The following NCKAP5 variants were observed in gnomAD, a reference collection of about 807,000 sequenced individuals.
NCKAP5 encodes the protein nck-associated protein 5.
A neutral mutation model predicts 167.0 loss-of-function variants in NCKAP5; 92 were observed. The ratio of observed to expected loss-of-function variants is 0.55; its 90% CI spans 0.47 to 0.66. The LOEUF is 0.66. Ranked by LOEUF, NCKAP5 falls within the 30% of genes least tolerant of loss-of-function variation. The probability of loss-of-function intolerance (pLI) is 0.00; values close to 1 mark genes in which losing one functional copy is unlikely to be tolerated. For missense variants in NCKAP5, 2,378 were observed against 2,315.0 expected (o/e 1.03, Z -0.56); for synonymous variants, 891 against 877.4 (o/e 1.02, Z -0.27).
chr2:132,954,814 C>T, intron 8 of NCKAP5: 1 of 396,312 alleles, frequency 2.5e-6, no homozygotes, highest in South Asian at 1.8e-5. Flanking sequence ...TGTAATGTGA[C>T]TATTTACTAC....
intron 1 of NCKAP5, among the ~76,000 whole-genome samples, chr2:133,563,564 T>TAAAAAA (rs57901498): frequency 4.2e-4 from 22 of 53,008 alleles, no homozygotes; most frequent in Non-Finnish European, 5.0e-4. Context: ...AAAGACTCCA[T>TAAAAAA]AAAAAAAAAA....
At chr2:133,226,604 A>AACACACACACACACAC (rs3051222) in intron 4 of NCKAP5, among the ~76,000 whole-genome samples, 2,890 of 139,158 alleles carry the variant, frequency 0.021, 51 homozygotes, top group Admixed American at 0.034. Context: ...TTTGAAGATA[A>AACACACACACACACAC]ACACACACAC....
At chr2:133,254,932 C>T (rs933839257) in intron 4 of NCKAP5, among the ~76,000 whole-genome samples, 2 of 151,854 alleles carry the variant, frequency 1.3e-5, no homozygotes, top group South Asian at 4.2e-4. Flanking sequence ...CAATGCAGTA[C>T]AGTGAAAAAA....
intron 3 of NCKAP5, among the ~76,000 whole-genome samples, chr2:133,447,124 C>T (rs1691245852): frequency 1.3e-5 from 2 of 152,128 alleles, no homozygotes; most frequent in African/African-American, 2.4e-5. Context: ...ATGGGAGGAA[C>T]ACACCACGAC....
chr2:133,232,536 G>C (rs1255398269), intron 4 of NCKAP5, among the ~76,000 whole-genome samples: 2 of 152,102 alleles, frequency 1.3e-5, no homozygotes, highest in Admixed American at 6.6e-5. Context: ...GCAACAAACA[G>C]GGACTCTCAC....
At chr2:133,580,223 C>T in the NCKAP5 span, among the ~76,000 whole-genome samples, 1 of 152,070 alleles carries the variant, frequency 6.6e-6, no homozygotes, top group Non-Finnish European at 1.5e-5. Flanking sequence ...AATTTTTAAG[C>T]CCCATTCTAC....
At chr2:133,264,038 A>G (rs1487522425) in intron 4 of NCKAP5, among the ~76,000 whole-genome samples, 2 of 152,188 alleles carry the variant, frequency 1.3e-5, no homozygotes, top group Non-Finnish European at 2.9e-5. Flanking sequence ...AATAGTCCAG[A>G]GCCCTGGAAA....
At chr2:133,178,991 C>A (rs1029596158) in intron 5 of NCKAP5, among the ~76,000 whole-genome samples, 1 of 151,936 alleles carries the variant, frequency 6.6e-6, no homozygotes. Context: ...CATAGGGAGA[C>A]CTTATCTCTA....
the NCKAP5 span, among the ~76,000 whole-genome samples, chr2:133,601,273 A>G: frequency 5.9e-5 from 9 of 152,240 alleles, no homozygotes; most frequent in Admixed American, 5.9e-4. Context: ...TCTGGCCTCA[A>G]TGAATGATTT....
intron 11 of NCKAP5, among the ~76,000 whole-genome samples, chr2:132,846,067 T>A (rs942689926): frequency 6.6e-6 from 1 of 152,164 alleles, no homozygotes; most frequent in Non-Finnish European, 1.5e-5. Context: ...AATTACATTT[T>A]CCAATTGGTT....
In NCKAP5 at chr2:133,047,514, G is replaced by A. The variant is rs73960003; in HGVS notation, c.342-53275C>T. On this transcript the variant is annotated intron_variant, in intron 6 of 19. Coordinates refer to ENST00000409261, the MANE Select transcript of NCKAP5 (RefSeq NM_207363.3). ...ATTTGTTCCTCTGGCTAACTGAAAT[G>A]AGAAACTTTTGAAAATATATGCTAT... Among the ~76,000 whole-genome samples the A allele has an allele frequency of 7.3e-3, 1,118 of 152,310 alleles. 16 individuals are homozygous for A. Among genetic ancestry groups the A allele is most frequent in the African/African-American group, 0.025 (1,050 of 41,572 alleles).
chr2:133,096,604 T>C lies in NCKAP5; in HGVS notation c.341+33374A>G, dbSNP rs943883668. On this transcript the variant is annotated intron_variant, in intron 6 of 19. Transcript: ENST00000409261. ...TTTTATTTGACCTTTAAATATTCTGTGGCAGGTAATTATTTTAGGAAAGAT... is the reference window on the plus strand; with the variant it reads ...TTTTATTTGACCTTTAAATATTCTGCGGCAGGTAATTATTTTAGGAAAGAT... Among the ~76,000 whole-genome samples the C allele has an allele frequency of 1.3e-5, 2 of 152,342 alleles. 1 individual carries two copies.
At chr2:132,884,792 A>G (rs942351509) in intron 8 of NCKAP5, among the ~76,000 whole-genome samples, 5 of 152,196 alleles carry the variant, frequency 3.3e-5, no homozygotes, top group Admixed American at 2.0e-4. Context: ...TGGAAAAAAC[A>G]TGTATGGAAA....
At chr2:132,947,298 A>T (rs1212487289) in intron 8 of NCKAP5, among the ~76,000 whole-genome samples, 2 of 152,238 alleles carry the variant, frequency 1.3e-5, no homozygotes, top group East Asian at 3.8e-4. Context: ...CATAAAGGTC[A>T]TTAAATGGCT....
At chr2:133,537,779 G>A (rs1312781150) in intron 2 of NCKAP5, among the ~76,000 whole-genome samples, 1 of 151,992 alleles carries the variant, frequency 6.6e-6, no homozygotes, top group Non-Finnish European at 1.5e-5. Flanking sequence ...GTTGTATACA[G>A]TATATCTGAA....
At chr2:133,396,651 G>T (rs1013693803) in intron 3 of NCKAP5, among the ~76,000 whole-genome samples, 5 of 152,028 alleles carry the variant, frequency 3.3e-5, no homozygotes, top group African/African-American at 1.2e-4. Context: ...AAGGACATCA[G>T]TCATATTGGA....
At chr2:133,546,901 C>A (rs138354084) in intron 2 of NCKAP5, among the ~76,000 whole-genome samples, 4 of 152,286 alleles carry the variant, frequency 2.6e-5, no homozygotes, top group South Asian at 2.1e-4. Context: ...GGAACAGCTA[C>A]GGTCTACAGC....
At chr2:133,285,614 A>C (rs1412652999) in intron 4 of NCKAP5, among the ~76,000 whole-genome samples, 1 of 152,190 alleles carries the variant, frequency 6.6e-6, no homozygotes, top group East Asian at 1.9e-4. Flanking sequence ...TTAGCACACT[A>C]TATCTTCAAA....
Position 132,914,990 on chromosome 2 carries a change from C to CAAAAA in NCKAP5, c.580-36079_580-36075dup, listed in dbSNP as rs11404641. The stretch of plus-strand genomic sequence containing the variant: ...GCCAGCCATCAAGTAAAGCTATGGC[C>CAAAAA]AAAAAAAAAAAAAAAATGCCTATTG... On this transcript the variant is annotated intron_variant, in intron 8 of 19. Coordinates refer to ENST00000409261, the MANE Select transcript of NCKAP5 (RefSeq NM_207363.3). Among the ~76,000 whole-genome samples, 102 of 104,040 alleles carry CAAAAA rather than the reference C, an allele frequency of 9.8e-4. 1 individual carries two copies. Among genetic ancestry groups the CAAAAA allele is most frequent in the African/African-American group, 2.8e-3 (97 of 34,198 alleles). The allele number at this position is 104,040 out of a possible 152,430, so 68.3% of individuals were successfully genotyped here. A position where few individuals can be genotyped will look rare whatever the true frequency, so the allele number is the denominator to read the frequency against.
Sources: gnomAD v4.1 joint callset for allele counts (sites outside exome capture counted in the v4.1 genomes callset) on GRCh38, gnomAD v4.1.1 for gene constraint, MANE v1.5 for transcripts, NCBI Gene and HGNC (gene_info 2026-07-23, HGNC 2026-07-21) for gene names.